The following LAMC2 variants were observed in gnomAD, a reference collection of about 807,000 sequenced individuals.
LAMC2 encodes laminin subunit gamma-2.
LAMC2 carries 97 observed loss-of-function variants against 140.2 expected under a neutral mutation model. That is an observed-to-expected ratio of 0.69 (90% confidence interval 0.59 to 0.82). The LOEUF (loss-of-function observed/expected upper bound fraction) is 0.82. Among genes scored for constraint, LAMC2 ranks in the 40% least tolerant of loss-of-function variants. The pLI, the probability that LAMC2 is intolerant of heterozygous loss-of-function variation, is 0.00. For synonymous variants in LAMC2, 513 were observed against 540.2 expected (o/e 0.95, Z 0.70); for missense variants, 1,402 against 1,476.1 (o/e 0.95, Z 0.82).
chr1:183,202,646 G>A (rs886338802), intron 1 of LAMC2, among the ~76,000 whole-genome samples: 1 of 152,144 alleles, frequency 6.6e-6, no homozygotes, highest in Admixed American at 6.6e-5. Context: ...CAGCAAACTG[G>A]CATATGGCAC....
At chr1:183,231,191 C>G in intron 12 of LAMC2, 88 bp downstream of exon 12, 4 of 1,453,254 alleles carry the variant, frequency 2.8e-6, no homozygotes, top group Non-Finnish European at 3.9e-6. Context: ...ATCTAGGACA[C>G]TCCTAGTCTC....
At chr1:183,208,930 C>T (rs1031570097) in intron 2 of LAMC2, among the ~76,000 whole-genome samples, 11 of 151,352 alleles carry the variant, frequency 7.3e-5, no homozygotes, top group Non-Finnish European at 4.4e-5. Flanking sequence ...CCACTTGCCT[C>T]AGCCTCCCAA....
At chr1:183,186,880 G>A (rs890882141) in intron 1 of LAMC2, among the ~76,000 whole-genome samples, 1 of 152,160 alleles carries the variant, frequency 6.6e-6, no homozygotes, top group Non-Finnish European at 1.5e-5. Context: ...ATTTCGGATG[G>A]AAAAATGAGC....
Position 183,226,849 on chromosome 1 carries a change from A to G in LAMC2, c.1218A>G (p.Arg406=), listed in dbSNP as rs770567982. Reference sequence around the variant, plus strand: ...CTGGCTACAAGAGAGATTCAGCGAGACTGGGGCCTTTTGGCACCTGTATTC... The same window carrying G: ...CTGGCTACAAGAGAGATTCAGCGAGGCTGGGGCCTTTTGGCACCTGTATTC... ...CASGYKRDSA[R]LGPFGTCIPC... is the part of the protein sequence containing the mutation. The change falls in exon 9 of 23, where the codon AGA becomes AGG. Residue 406 remains arginine (R), a synonymous_variant. Transcript: ENST00000264144. 1 of 1,614,186 alleles carries G rather than the reference A, an allele frequency of 6.2e-7. No individual in the cohort carries two copies. Among genetic ancestry groups the G allele is most frequent in the African/African-American group, 1.3e-5 (1 of 75,052 alleles).
At chr1:183,205,816 T>G (rs993591348) in intron 1 of LAMC2, among the ~76,000 whole-genome samples, 3 of 152,072 alleles carry the variant, frequency 2.0e-5, no homozygotes, top group Admixed American at 6.6e-5. Context: ...TGTGTGTGTG[T>G]GTGTCTGTGT....
chr1:183,200,697 G>A (rs963777844), intron 1 of LAMC2, among the ~76,000 whole-genome samples: 1 of 152,088 alleles, frequency 6.6e-6, no homozygotes, highest in African/African-American at 2.4e-5. Context: ...AGGGGTGGGA[G>A]TGTTGTGAAG....
chr1:183,187,842 G>A (rs1258037879), intron 1 of LAMC2, among the ~76,000 whole-genome samples: 1 of 152,246 alleles, frequency 6.6e-6, no homozygotes, highest in African/African-American at 2.4e-5. Flanking sequence ...CACACAGGCA[G>A]AGATGAAACT....
At chr1:183,196,588 A>G (rs1658524444) in intron 1 of LAMC2, among the ~76,000 whole-genome samples, 1 of 152,216 alleles carries the variant, frequency 6.6e-6, no homozygotes, top group Non-Finnish European at 1.5e-5. Context: ...AGCCTTTTAC[A>G]TTTGGACTTC....
intron 1 of LAMC2, among the ~76,000 whole-genome samples, chr1:183,188,911 C>T (rs1467534457): frequency 2.0e-5 from 3 of 152,138 alleles, no homozygotes. Context: ...CCAGGCTGTT[C>T]AGTAGGATGG....
At chr1:183,232,980 G>T (rs1571535598) in intron 14 of LAMC2, 123 bp downstream of exon 14, 3 of 905,808 alleles carry the variant, frequency 3.3e-6, no homozygotes, top group Non-Finnish European at 5.3e-6. Context: ...TACCTGACAG[G>T]TTGTTGGACT....
rs747009193 is a variant in LAMC2, at chr1:183,235,720, C to A, written c.2446C>A (p.Leu816Ile). The A allele has an allele frequency of 6.2e-7, 1 of 1,614,120 alleles. No homozygotes were observed. The highest frequency in any genetic ancestry group is 8.5e-7 in the Non-Finnish European group (1 of 1,180,014). ...GSPDGAVVQG[L>I]VEKLEKTKSL... ...CCCGGACGGTGCTGTGGTGCAAGGGCTTGTGGAAAAGTACGTTCCTACGGG... is the reference window on the plus strand; with the variant it reads ...CCCGGACGGTGCTGTGGTGCAAGGGATTGTGGAAAAGTACGTTCCTACGGG... The change falls in exon 16 of 23, where the codon CTT becomes ATT. Residue 816 changes from leucine (L) to isoleucine (I), a missense_variant. By Grantham distance (5) the Leu-to-Ile change is conservative. Transcript: ENST00000264144.
chr1:183,186,909 A>G (rs551540349), intron 1 of LAMC2, among the ~76,000 whole-genome samples: 1 of 152,278 alleles, frequency 6.6e-6, no homozygotes, highest in South Asian at 2.1e-4. Flanking sequence ...TATTAGCAAT[A>G]CCCTTAACTT....
chr1:183,228,348 A>T lies in LAMC2; in HGVS notation c.1469-26A>T, dbSNP rs1400308505. 18 of 1,613,946 alleles carry T rather than the reference A, an allele frequency of 1.1e-5. No homozygotes were observed. The highest frequency in any genetic ancestry group is 1.5e-5 in the Non-Finnish European group (18 of 1,180,018). ...TCTTCCTCCTGATGGATGTCGACCTAGGCTTGGTCATTTGTTCCTTCCCAG... is the reference window on the plus strand; with the variant it reads ...TCTTCCTCCTGATGGATGTCGACCTTGGCTTGGTCATTTGTTCCTTCCCAG... On this transcript the variant is annotated intron_variant, in intron 10 of 22. Coordinates refer to ENST00000264144, the MANE Select transcript of LAMC2 (RefSeq NM_005562.3). The surrounding 1 kb of genome is among the most constrained non-coding windows in gnomAD (Gnocchi z 4.3).
At chr1:183,206,572 G>A (rs756930024) in intron 1 of LAMC2, among the ~76,000 whole-genome samples, 1 of 151,568 alleles carries the variant, frequency 6.6e-6, no homozygotes, top group Non-Finnish European at 1.5e-5. Context: ...TTGAACCCAG[G>A]AGGCAGAGGT....
At chr1:183,188,185 C>T (rs1466074665) in intron 1 of LAMC2, among the ~76,000 whole-genome samples, 1 of 152,176 alleles carries the variant, frequency 6.6e-6, no homozygotes, top group Non-Finnish European at 1.5e-5. Context: ...TGGAGGCAGA[C>T]TAAGGTTTTA....
chr1:183,226,826 G>T lies in LAMC2; in HGVS notation c.1195G>T (p.Gly399Cys). 2 of 1,614,194 alleles carry T rather than the reference G, an allele frequency of 1.2e-6. No individual in the cohort carries two copies. Among genetic ancestry groups the T allele is most frequent in the East Asian group, 2.2e-5 (1 of 44,886 alleles). Residue 399 changes from glycine to cysteine, a missense_variant, in exon 9 of 23, where the codon GGC (glycine) becomes TGC (cysteine). Gly to Cys is a radical substitution (Grantham distance 159). Coordinates refer to ENST00000264144, the MANE Select transcript of LAMC2 (RefSeq NM_005562.3). ...GCAATTCTGCCAGGATTGTGCTTCT[G>T]GCTACAAGAGAGATTCAGCGAGACT... The part of the protein sequence containing the change: ...KGQFCQDCAS[G>C]YKRDSARLGP...
downstream of LAMC2, among the ~76,000 whole-genome samples, chr1:183,246,876 G>A (rs1282898587): frequency 6.6e-6 from 1 of 152,164 alleles, no homozygotes; most frequent in Non-Finnish European, 1.5e-5. Flanking sequence ...TGGCTACATG[G>A]AACTTTCTAA....
At chr1:183,247,268 C>T (rs566610395), downstream of LAMC2, among the ~76,000 whole-genome samples, 2 of 152,222 alleles carry the variant, frequency 1.3e-5, no homozygotes, top group African/African-American at 4.8e-5. Context: ...ACCGAGATCG[C>T]GCCATTGCAC....
chr1:183,219,865 G>A lies in LAMC2; in HGVS notation c.504-960G>A, dbSNP rs531319889. Among the ~76,000 whole-genome samples, 11 of 152,274 alleles carry A rather than the reference G, an allele frequency of 7.2e-5. No homozygotes were observed. The East Asian group carries it at 2.1e-3, about 29-fold the overall frequency. ...TAGACTACATGATTTGGAGACAGAT[G>A]TACATGAATTTCAATCTTGCCTCAG... On this transcript the variant is annotated intron_variant, in intron 4 of 22. Transcript: ENST00000264144.
Sources: gnomAD v4.1 joint callset for allele counts (sites outside exome capture counted in the v4.1 genomes callset) on GRCh38, gnomAD v4.1.1 for gene constraint, Gnocchi (gnomAD v3.1) non-coding constraint, MANE v1.5 for transcripts, NCBI Gene and HGNC (gene_info 2026-07-23, HGNC 2026-07-21) for gene names.